DNMT1: variants seen among roughly 807,000 people sequenced by gnomAD.
The protein encoded by DNMT1 is DNA (cytosine-5)-methyltransferase 1.
Under a neutral mutation model 205.3 loss-of-function variants are expected in DNMT1, and 24 were observed. The ratio of observed to expected loss-of-function variants is 0.12; its 90% CI spans 0.08 to 0.16. DNMT1 has a LOEUF of 0.16. Among genes scored for constraint, DNMT1 ranks in the 10% least tolerant of loss-of-function variants. DNMT1 has a pLI of 1.00. For missense variants in DNMT1, 1,293 were observed against 2,177.7 expected, an observed-to-expected ratio of 0.59 and a Z score of 8.09; for synonymous variants, 817 against 839.8, an observed-to-expected ratio of 0.97 and a Z score of 0.47.
chr19:10,136,326 T>C, intron 37 of DNMT1, 39 bp from the exon 38 acceptor site: 1 of 1,611,150 alleles, frequency 6.2e-7, no homozygotes, highest in Non-Finnish European at 8.5e-7. Flanking sequence ...AGTTGTGGGA[T>C]GGGGTATAGG....
At chr19:10,161,451 C>T (rs1425374828) in intron 13 of DNMT1, among the ~76,000 whole-genome samples, 1 of 152,188 alleles carries the variant, frequency 6.6e-6, no homozygotes, top group African/African-American at 2.4e-5. Context: ...GAGCTCAAGA[C>T]CAGCCTGGGC....
chr19:10,142,228 CG>C lies in DNMT1; in HGVS notation c.3117-9del. 2 of 1,613,798 alleles carry C rather than the reference CG, an allele frequency of 1.2e-6. No homozygotes were observed. Among genetic ancestry groups the C allele is most frequent in the South Asian group, 2.2e-5 (2 of 91,084 alleles). On this transcript the variant is annotated splice_polypyrimidine_tract_variant and intron_variant, in intron 29 of 40. Coordinates refer to ENST00000359526, the MANE Select transcript of DNMT1 (RefSeq NM_001130823.3). ...TTGTGGGTGTTCTCAGGCCTGCGAG[CG>C]GGAGAGGCCTCGTTAGGAGCTCTCC...
chr19:10,145,669 A>AT (rs1199262336), intron 28 of DNMT1, among the ~76,000 whole-genome samples: 2 of 152,130 alleles, frequency 1.3e-5, no homozygotes, highest in Non-Finnish European at 2.9e-5. Flanking sequence ...CAGGTACTGT[A>AT]TGGAGCACTT....
chr19:10,163,197 C>T, intron 12 of DNMT1, 129 bp downstream of exon 12: 4 of 1,012,490 alleles, frequency 4.0e-6, no homozygotes, highest in South Asian at 3.8e-5. Flanking sequence ...GAACTCCTGA[C>T]CTCAGGTGAT....
At chr19:10,175,084 T>TACACACACACACACAC (rs201133845) in intron 7 of DNMT1, among the ~76,000 whole-genome samples, 2 of 113,904 alleles carry the variant, frequency 1.8e-5, no homozygotes, top group Non-Finnish European at 3.6e-5. Context: ...CATACATACA[T>TACACACACACACACAC]ACACACACAC....
intron 1 of DNMT1, among the ~76,000 whole-genome samples, chr19:10,193,988 G>A (rs2145415366): frequency 6.6e-6 from 1 of 152,220 alleles, no homozygotes; most frequent in South Asian, 2.1e-4. Context: ...TAAAGCCAGG[G>A]CCTCCAACAT....
rs1274407747 is a variant in DNMT1 at position 10,146,886 on chromosome 19, G to A, written c.2721-362C>T. ...AGACTCCTACTGTTCTCTCCATAAA[G>A]GCTCAACAGGTATTTGAGGAAATTC... On this transcript the variant is annotated intron_variant, in intron 27 of 40. Transcript: ENST00000359526. This position sits in a 1 kb window ranked among gnomAD's most constrained non-coding sequence, Gnocchi z 4.4. 6.6e-6 allele frequency among the ~76,000 whole-genome samples: 1 copy of A among 152,146 alleles called. No individual in the cohort carries two copies. Among genetic ancestry groups the A allele is most frequent in the Non-Finnish European group, 1.5e-5 (1 of 68,032 alleles).
chr19:10,170,364 T>C (rs4804125), intron 9 of DNMT1, among the ~76,000 whole-genome samples: 20,016 of 151,290 alleles, frequency 0.13, 1,908 homozygotes, highest in East Asian at 0.4. Flanking sequence ...AGCGGCCGGA[T>C]GCAGTGGCTC....
At chr19:10,172,148 G>A (rs544369516) in intron 9 of DNMT1, among the ~76,000 whole-genome samples, 1 of 152,264 alleles carries the variant, frequency 6.6e-6, no homozygotes, top group East Asian at 1.9e-4. Flanking sequence ...GGGTGTGGTG[G>A]CTCACGCCTA....
intron 9 of DNMT1, among the ~76,000 whole-genome samples, chr19:10,169,629 G>A (rs2145349489): frequency 6.6e-6 from 1 of 152,148 alleles, no homozygotes; most frequent in African/African-American, 2.4e-5. Context: ...AGCCTGGCGT[G>A]GTAGCAGGTG....
chr19:10,157,721 G>A (rs1330562031), intron 17 of DNMT1, among the ~76,000 whole-genome samples: 1 of 152,226 alleles, frequency 6.6e-6, no homozygotes, highest in East Asian at 1.9e-4. Context: ...ACCAGGCATG[G>A]CAGACAGAAT....
intron 34 of DNMT1, among the ~76,000 whole-genome samples, chr19:10,139,475 A>G (rs752578520): frequency 1.0e-3 from 153 of 152,208 alleles, no homozygotes; most frequent in Non-Finnish European, 1.7e-3. Flanking sequence ...AGCTCAAGAG[A>G]CACTAGCGGT....
chr19:10,142,631 T>G (rs2089623317), intron 29 of DNMT1, among the ~76,000 whole-genome samples: 1 of 107,684 alleles, frequency 9.3e-6, no homozygotes. Flanking sequence ...CCGACCCAGT[T>G]GGGAACCGCA....
intron 13 of DNMT1, 38 bp from the exon 14 acceptor site, chr19:10,160,456 G>A: frequency 6.2e-7 from 1 of 1,611,240 alleles, no homozygotes; most frequent in East Asian, 2.2e-5. Flanking sequence ...AAGGCTAAGA[G>A]AGTGTTTTAC....
At position 10,133,569 on chromosome 19, in the gene DNMT1, C is replaced by CCA; in HGVS notation, c.*96_*97dup. 7.1e-7 allele frequency: 1 copy of CCA among 1,408,266 alleles called. No homozygotes were observed. Among genetic ancestry groups the CCA allele is most frequent in the Non-Finnish European group, 9.8e-7 (1 of 1,017,802 alleles). The allele number at this position is 1,408,266 out of a possible 1,614,324, so 87.2% of individuals were successfully genotyped here. A position where few individuals can be genotyped will look rare whatever the true frequency, so the allele number is the denominator to read the frequency against. ...CAGCCAAGGCCACAAACACCATGTA[C>CCA]CACACATGTGAACGGACAGATTGAC... On this transcript the variant is annotated 3_prime_UTR_variant, in exon 41 of 41. Coordinates refer to ENST00000359526, the MANE Select transcript of DNMT1 (RefSeq NM_001130823.3). This position sits in a 1 kb window ranked among gnomAD's most constrained non-coding sequence, Gnocchi z 4.1.
rs758806907 is a variant in DNMT1 at position 10,139,715 on chromosome 19, C to G, written c.3909G>C (p.Leu1303=). The change falls in exon 34 of 41, where the codon CTG becomes CTC. Residue 1303 remains leucine (L), a synonymous_variant. Transcript: ENST00000359526. ...SMVLKLTLRC[L]VRMGYQCTFG... ...AGGTGCACTGATAGCCCATGCGGAC[C>G]AGGCAGCGGAGGGTGAGCTTCAGGA... 7 of 1,613,602 alleles carry G rather than the reference C, an allele frequency of 4.3e-6. No individual in the cohort carries two copies. The Admixed American group carries it at 1.2e-4, about 27-fold the overall frequency.
chr19:10,179,883 G>C, intron 5 of DNMT1: 1 of 176,686 alleles, frequency 5.7e-6, no homozygotes, highest in Non-Finnish European at 1.2e-5. Flanking sequence ...CTAGCTACTT[G>C]GGAGGCTGAG....
intron 1 of DNMT1, among the ~76,000 whole-genome samples, chr19:10,191,789 G>A (rs918807591): frequency 6.6e-6 from 1 of 151,858 alleles, no homozygotes; most frequent in Non-Finnish European, 1.5e-5. Flanking sequence ...CAGTCCAGGA[G>A]TTCAAGACCA....
At chr19:10,149,811 A>C (rs1329144335) in intron 25 of DNMT1, 42 bp downstream of exon 25, 1 of 1,610,872 alleles carries the variant, frequency 6.2e-7, no homozygotes, top group Admixed American at 1.7e-5. Context: ...CTACTTGATG[A>C]GAAAGTGCAT....
Sources: allele counts gnomAD v4.1 joint callset (sites outside exome capture counted in the v4.1 genomes callset), GRCh38; gene constraint gnomAD v4.1.1; non-coding constraint Gnocchi (gnomAD v3.1); transcripts MANE v1.5; gene names NCBI Gene and HGNC (gene_info 2026-07-23, HGNC 2026-07-21).